The following ROBO1 variants were observed in gnomAD, a reference collection of about 807,000 sequenced individuals.
The protein encoded by ROBO1 is roundabout homolog 1.
In ROBO1, 149 loss-of-function variants were observed where a neutral mutation model predicts 195.9. The ratio of observed to expected loss-of-function variants is 0.76; its 90% CI spans 0.67 to 0.87. The LOEUF (loss-of-function observed/expected upper bound fraction) is 0.87. Among genes scored for constraint, ROBO1 ranks in the 40% least tolerant of loss-of-function variants. ROBO1 has a pLI of 0.00. For synonymous variants in ROBO1, 816 were observed against 733.2 expected (o/e 1.11, Z -1.82); for missense variants, 1,933 against 2,068.3 (o/e 0.93, Z 1.27).
At chr3:78,709,996 T>A (rs896766900) in intron 8 of ROBO1, among the ~76,000 whole-genome samples, 7 of 152,218 alleles carry the variant, frequency 4.6e-5, no homozygotes, top group Non-Finnish European at 1.5e-5. Context: ...AAAACTTCAA[T>A]ACATATCTAG....
chr3:78,938,580 C>A, intron 4 of ROBO1, 21 bp downstream of exon 4: 1 of 1,586,362 alleles, frequency 6.3e-7, no homozygotes, highest in Non-Finnish European at 8.6e-7. Flanking sequence ...CTGCCAAACA[C>A]AGAGCGCCCA....
At chr3:79,442,369 A>T (rs1270554743) in intron 2 of ROBO1, among the ~76,000 whole-genome samples, 1 of 152,134 alleles carries the variant, frequency 6.6e-6, no homozygotes, top group Non-Finnish European at 1.5e-5. Flanking sequence ...TTTATGAGGA[A>T]TTTTTTGGTG....
At chr3:79,221,422 T>C (rs1334871076) in intron 2 of ROBO1, among the ~76,000 whole-genome samples, 1 of 152,144 alleles carries the variant, frequency 6.6e-6, no homozygotes, top group Non-Finnish European at 1.5e-5. Flanking sequence ...TAACTCAGAA[T>C]GAGCCCATAC....
intron 1 of ROBO1, among the ~76,000 whole-genome samples, chr3:79,623,321 G>A (rs528984903): frequency 6.6e-6 from 1 of 152,244 alleles, no homozygotes; most frequent in African/African-American, 2.4e-5. Flanking sequence ...TCTCATTCAC[G>A]GACACAGAAC....
intron 5 of ROBO1, among the ~76,000 whole-genome samples, chr3:78,729,675 CA>C (rs2108176520): frequency 6.6e-6 from 1 of 152,192 alleles, no homozygotes; most frequent in South Asian, 2.1e-4. Context: ...GTCTGGTTCC[CA>C]AATTATTAAG....
chr3:79,740,453 T>C (rs529994480), intron 1 of ROBO1, among the ~76,000 whole-genome samples: 1 of 152,094 alleles, frequency 6.6e-6, no homozygotes, highest in South Asian at 2.1e-4. Context: ...TGAGACTAGG[T>C]AATTTATAAA....
At chr3:79,424,740 G>T (rs2038376339) in intron 2 of ROBO1, among the ~76,000 whole-genome samples, 1 of 152,074 alleles carries the variant, frequency 6.6e-6, no homozygotes, top group Admixed American at 6.6e-5. Context: ...ACCTTCTCTG[G>T]ATGTGGGAAC....
intron 1 of ROBO1, among the ~76,000 whole-genome samples, chr3:79,732,864 AC>A (rs1401141416): frequency 3.9e-5 from 6 of 152,146 alleles, no homozygotes; most frequent in Non-Finnish European, 7.4e-5. Flanking sequence ...TGATTAGCTT[AC>A]ATTTTCATGT....
chr3:78,775,177 A>T (rs1302879836), intron 4 of ROBO1, among the ~76,000 whole-genome samples: 1 of 152,182 alleles, frequency 6.6e-6, no homozygotes, highest in African/African-American at 2.4e-5. Flanking sequence ...GTGAAATGCT[A>T]TCTTCTGGCC....
intron 3 of ROBO1, among the ~76,000 whole-genome samples, chr3:78,993,947 A>G (rs182976271): frequency 6.6e-6 from 1 of 152,096 alleles, no homozygotes; most frequent in African/African-American, 2.4e-5. Context: ...GTTAAATATT[A>G]AAGGAAAAGA....
In ROBO1 at chr3:78,661,144, C is replaced by A; in HGVS notation, c.2206G>T (p.Val736Leu). 6.2e-7 allele frequency: 1 copy of A among 1,613,716 alleles called. No homozygotes were observed. The highest frequency in any genetic ancestry group is 1.7e-5 in the Admixed American group (1 of 59,992). The part of the protein sequence containing the change: ...FEVRTPAKNS[V>L]VIPDLRKGVN... ...CCCTTTCTGAGATCAGGGATTACCA[C>A]ACTGTTTTTGGCTGGCGTCCTCACT... Residue 736 changes from valine to leucine, a missense_variant, in exon 16 of 31, where the codon GTG becomes TTG. By Grantham distance (32) the Val-to-Leu change is conservative. Coordinates refer to ENST00000464233, the MANE Select transcript of ROBO1 (RefSeq NM_002941.4).
chr3:79,154,525 C>A (rs1238732179), intron 2 of ROBO1, among the ~76,000 whole-genome samples: 2 of 151,640 alleles, frequency 1.3e-5, no homozygotes, highest in Admixed American at 1.3e-4. Flanking sequence ...TGGCATGAAA[C>A]AACTCACATT....
intron 2 of ROBO1, among the ~76,000 whole-genome samples, chr3:79,257,165 G>A (rs2082849990): frequency 6.6e-6 from 1 of 152,112 alleles, no homozygotes; most frequent in Non-Finnish European, 1.5e-5. Context: ...ATTAAATTGT[G>A]TTTATTTAAG....
intron 2 of ROBO1, among the ~76,000 whole-genome samples, chr3:79,575,768 T>C (rs1027565658): frequency 6.6e-5 from 10 of 151,450 alleles, no homozygotes; most frequent in Non-Finnish European, 1.3e-4. Flanking sequence ...TGTTTTAACA[T>C]AGTCATCTTG....
intron 4 of ROBO1, among the ~76,000 whole-genome samples, chr3:78,808,113 G>T (rs333493): frequency 1.3e-5 from 2 of 151,972 alleles, no homozygotes; most frequent in Non-Finnish European, 2.9e-5. Flanking sequence ...TTATTTCATA[G>T]GCTATTATCT....
At chr3:79,484,851 T>G (rs2107408672) in intron 2 of ROBO1, among the ~76,000 whole-genome samples, 1 of 147,550 alleles carries the variant, frequency 6.8e-6, no homozygotes, top group East Asian at 2.1e-4. Context: ...TCTCCCAGGT[T>G]CAAGCAATTC....
At chr3:79,743,596 T>C (rs1482947390) in intron 1 of ROBO1, among the ~76,000 whole-genome samples, 1 of 152,236 alleles carries the variant, frequency 6.6e-6, no homozygotes, top group African/African-American at 2.4e-5. Context: ...TGAAACTTTT[T>C]TCTTTGTAAA....
At chr3:79,735,791 AACCT>A (rs1703352397) in intron 1 of ROBO1, among the ~76,000 whole-genome samples, 2 of 151,680 alleles carry the variant, frequency 1.3e-5, no homozygotes. Flanking sequence ...GAATTGATTG[AACCT>A]GGGAGGCGGA....
intron 2 of ROBO1, among the ~76,000 whole-genome samples, chr3:79,496,084 G>A (rs148873978): frequency 6.6e-6 from 1 of 151,686 alleles, no homozygotes; most frequent in East Asian, 2.0e-4. Flanking sequence ...GTGGTGGTAC[G>A]TGCCTGGAAT....
Sources: allele counts gnomAD v4.1 joint callset (sites outside exome capture counted in the v4.1 genomes callset), GRCh38; gene constraint gnomAD v4.1.1; transcripts MANE v1.5; gene names NCBI Gene and HGNC (gene_info 2026-07-23, HGNC 2026-07-21).